The following AGTPBP1 variants were observed in gnomAD, a reference collection of about 807,000 sequenced individuals.
AGTPBP1 encodes the protein ATP/GTP binding carboxypeptidase 1.
In AGTPBP1, 70 loss-of-function variants were observed where a neutral mutation model predicts 143.9. That is an observed-to-expected ratio of 0.49 (90% CI 0.40 to 0.59). The LOEUF is 0.59. Among genes scored for constraint, AGTPBP1 ranks in the 20% least tolerant of loss-of-function variants. AGTPBP1 has a pLI of 0.00. For missense variants in AGTPBP1, 1,229 were observed against 1,464.5 expected (o/e 0.84, Z 2.62); for synonymous variants, 463 against 500.2 (o/e 0.93, Z 0.99).
intron 18 of AGTPBP1, 71 bp from the exon 19 acceptor site, chr9:85,592,775 A>C: frequency 6.5e-7 from 1 of 1,548,412 alleles, no homozygotes; most frequent in Non-Finnish European, 8.7e-7. Flanking sequence ...TACTTTTATT[A>C]AATAGAACTT....
Position 85,596,401 on chromosome 9 carries a change from G to A in AGTPBP1, c.2384C>T (p.Pro795Leu). The A allele has an allele frequency of 6.2e-7, 1 of 1,611,006 alleles. No homozygotes were observed. The highest frequency in any genetic ancestry group is 2.2e-5 in the East Asian group (1 of 44,794). ...GTCAGTCCCCATACGAATCCACCAT[G>A]GTCTGGCATTTAATGCTTCCTGAAC... Reference protein sequence around the residue: ...YSVQEALNARPWWIRMGTDIC... With the variant: ...YSVQEALNARLWWIRMGTDIC... Residue 795 changes from proline (P) to leucine (L), a missense_variant, in exon 18 of 26, where the codon CCA becomes CTA. Physicochemically the swap from Pro to Leu is moderately conservative, Grantham distance 98. This residue lies in a region of AGTPBP1 where 486 missense variants were observed against 652.3 expected (regional missense o/e 0.75). Coordinates refer to ENST00000357081, the MANE Select transcript of AGTPBP1 (RefSeq NM_001330701.2).
intron 25 of AGTPBP1, among the ~76,000 whole-genome samples, chr9:85,556,856 TA>T (rs1474626515): frequency 9.2e-5 from 14 of 152,154 alleles, no homozygotes; most frequent in Middle Eastern, 3.2e-3. Context: ...TTCGCAGTGA[TA>T]GGGGAAACCT....
chr9:85,600,266 G>C (rs960304886), intron 17 of AGTPBP1, among the ~76,000 whole-genome samples: 6 of 152,152 alleles, frequency 3.9e-5, no homozygotes, highest in Admixed American at 1.3e-4. Context: ...CTGGGACTCA[G>C]TGAGCCACTT....
At chr9:85,604,317 C>T (rs941578505) in intron 17 of AGTPBP1, among the ~76,000 whole-genome samples, 2 of 152,222 alleles carry the variant, frequency 1.3e-5, no homozygotes, top group African/African-American at 2.4e-5. Context: ...GAACAAGAGC[C>T]TCTGCCTGAT....
intron 25 of AGTPBP1, among the ~76,000 whole-genome samples, chr9:85,558,312 G>C (rs1376831807): frequency 6.6e-6 from 1 of 152,184 alleles, no homozygotes; most frequent in Non-Finnish European, 1.5e-5. Context: ...AAGGAGATCA[G>C]TGGTTGCCAG....
chr9:85,561,000 A>G (rs1219250525), intron 25 of AGTPBP1, among the ~76,000 whole-genome samples: 1 of 152,184 alleles, frequency 6.6e-6, no homozygotes, highest in Non-Finnish European at 1.5e-5. Context: ...AAGCAAAATA[A>G]AAAGAAAATC....
At chr9:85,765,104 C>A in the AGTPBP1 span, 3 of 494,110 alleles carry the variant, frequency 6.1e-6, no homozygotes, top group Non-Finnish European at 3.7e-6. Context: ...TGACTAGAGA[C>A]TGAGATATCC....
chr9:85,677,447 A>G lies in AGTPBP1; in HGVS notation c.425T>C (p.Ile142Thr), dbSNP rs1315710113. 3 of 1,606,358 alleles carry G rather than the reference A, an allele frequency of 1.9e-6. No individual in the cohort carries two copies. Among genetic ancestry groups the G allele is most frequent in the African/African-American group, 2.7e-5 (2 of 74,432 alleles). The change falls in exon 6 of 26, where the codon ATT (isoleucine) becomes ACT (threonine). Residue 142 changes from isoleucine (I) to threonine (T), a missense_variant. By Grantham distance (89) the Ile-to-Thr change is moderately conservative. Coordinates refer to ENST00000357081, the MANE Select transcript of AGTPBP1 (RefSeq NM_001330701.2). ...ATGAAATCCCTTACCTTTTGGTCCA[A>G]TCTTTGCAAGAATAGAATGAATCTG... ...MVQIHSILAK[I>T]GPKDKKFGVK...
chr9:85,741,974 T>C (rs896947645), upstream of AGTPBP1: 4 of 1,233,532 alleles, frequency 3.2e-6, no homozygotes, highest in Non-Finnish European at 4.0e-6. Context: ...CCGGGCAACG[T>C]CAGCGCGGCG....
chr9:85,655,145 T>C lies in AGTPBP1; in HGVS notation c.1085A>G (p.Glu362Gly). ...PVAQLYSLPPEVDDVVDESDD... is the reference protein window; with the variant it reads ...PVAQLYSLPPGVDDVVDESDD... ...CAGCAGTGACCCTGTGATCCTACCT[T>C]CAGGAGGTAAGCTGTAGAGCTGAGC... Residue 362 changes from glutamate (E) to glycine (G), a missense_variant and splice_region_variant, in exon 11 of 26, where the codon GAA (glutamate) becomes GGA (glycine). By Grantham distance (98) the Glu-to-Gly change is moderately conservative. Transcript: ENST00000357081. The C allele has an allele frequency of 6.2e-7, 1 of 1,609,704 alleles. No individual in the cohort carries two copies. Among genetic ancestry groups the C allele is most frequent in the Non-Finnish European group, 8.5e-7 (1 of 1,177,980 alleles).
At chr9:85,775,568 A>G in the AGTPBP1 span, among the ~76,000 whole-genome samples, 2 of 146,720 alleles carry the variant, frequency 1.4e-5, no homozygotes, top group African/African-American at 2.5e-5. Flanking sequence ...TATAAAATAT[A>G]TAGGATTTAT....
At chr9:85,697,110 C>T (rs1408810801) in intron 2 of AGTPBP1, among the ~76,000 whole-genome samples, 1 of 152,158 alleles carries the variant, frequency 6.6e-6, no homozygotes, top group African/African-American at 2.4e-5. Context: ...TAAAGTACTC[C>T]TTCCTTTACT....
At chr9:85,667,822 T>A (rs919242881) in intron 8 of AGTPBP1, among the ~76,000 whole-genome samples, 11 of 151,978 alleles carry the variant, frequency 7.2e-5, no homozygotes, top group African/African-American at 2.4e-4. Context: ...GAAACTTTTT[T>A]TTATTTCAAA....
At chr9:85,709,592 C>T (rs116495883) in intron 2 of AGTPBP1, among the ~76,000 whole-genome samples, 2,252 of 151,942 alleles carry the variant, frequency 0.015, 25 homozygotes, top group Middle Eastern at 0.038. Flanking sequence ...TAATAATGGA[C>T]AACAGATTCT....
chr9:85,795,300 A>G, the AGTPBP1 span, among the ~76,000 whole-genome samples: 4 of 152,210 alleles, frequency 2.6e-5, no homozygotes, highest in Admixed American at 1.3e-4. Flanking sequence ...CTTTGTATAT[A>G]TTCTTCAATG....
Position 85,570,898 on chromosome 9 carries a change from C to G in AGTPBP1, c.3503+4417G>C, listed in dbSNP as rs574263117. Among the ~76,000 whole-genome samples, 17 of 152,250 alleles carry G rather than the reference C, an allele frequency of 1.1e-4. No homozygotes were observed. In the South Asian group the frequency reaches 3.3e-3, roughly 30 times the overall value. On this transcript the variant is annotated intron_variant, in intron 25 of 25. Transcript: ENST00000357081. ...GCAGTGAGACAGAAGATTAGTTACA[C>G]ACAGGCAGGTTGATCAAGTAAGAAA...
chr9:85,589,252 G>A (rs533421377), intron 20 of AGTPBP1, among the ~76,000 whole-genome samples: 72 of 150,814 alleles, frequency 4.8e-4, no homozygotes, highest in African/African-American at 1.7e-3. Context: ...ATAATTTGTT[G>A]TATTCTACTT....
intron 1 of AGTPBP1, among the ~76,000 whole-genome samples, chr9:85,720,920 T>C (rs1838067561): frequency 1.3e-5 from 2 of 152,356 alleles, no homozygotes; most frequent in South Asian, 4.1e-4. Flanking sequence ...CATTCCGTTA[T>C]GTACCCAGTA....
At chr9:85,739,088 AT>A (rs146237739) in intron 1 of AGTPBP1, among the ~76,000 whole-genome samples, 4,219 of 152,278 alleles carry the variant, frequency 0.028, 191 homozygotes, top group African/African-American at 0.095. Flanking sequence ...TCTTAAAAAA[AT>A]AAAAATAAAA....
Sources: allele counts gnomAD v4.1 joint callset (sites outside exome capture counted in the v4.1 genomes callset), GRCh38; gene constraint gnomAD v4.1.1; regional missense constraint gnomAD v4.1.1; transcripts MANE v1.5; gene names NCBI Gene and HGNC (gene_info 2026-07-23, HGNC 2026-07-21).